Variants in PARD3B observed in about 807,000 individuals in gnomAD.
PARD3B encodes par-3 family cell polarity regulator beta.
PARD3B carries 103 observed loss-of-function variants against 130.2 expected under a neutral mutation model. That is an observed-to-expected ratio of 0.79 (90% CI 0.67 to 0.93). The LOEUF is 0.93. Among genes scored for constraint, PARD3B ranks in the 40% least tolerant of loss-of-function variants. The probability of loss-of-function intolerance (pLI) is 0.00; values close to 1 mark genes in which losing one functional copy is unlikely to be tolerated. For missense variants in PARD3B, 1,609 were observed against 1,499.2 expected, an observed-to-expected ratio of 1.07 and a Z score of -1.21; for synonymous variants, 583 against 553.2, an observed-to-expected ratio of 1.05 and a Z score of -0.76.
At chr2:205,009,020 A>T (rs1336624911) in intron 3 of PARD3B, among the ~76,000 whole-genome samples, 2 of 152,224 alleles carry the variant, frequency 1.3e-5, no homozygotes, top group Non-Finnish European at 2.9e-5. Flanking sequence ...TAAGTGAAAT[A>T]AAAGATAGTG....
At chr2:204,646,936 A>G (rs1314113543) in intron 1 of PARD3B, among the ~76,000 whole-genome samples, 1 of 152,102 alleles carries the variant, frequency 6.6e-6, no homozygotes. Context: ...GGACGAAATT[A>G]TCTATTACAA....
At chr2:205,086,650 G>C (rs888377093) in intron 4 of PARD3B, among the ~76,000 whole-genome samples, 2 of 152,254 alleles carry the variant, frequency 1.3e-5, no homozygotes, top group Admixed American at 1.3e-4. Flanking sequence ...TGGAGGAAAT[G>C]GGGGGAAACC....
Position 205,281,523 on chromosome 2 carries a change from C to T in PARD3B, c.2186-19007C>T, listed in dbSNP as rs1207428858. Among the ~76,000 whole-genome samples the T allele has an allele frequency of 6.6e-6, 1 of 152,218 alleles. No individual in the cohort carries two copies. The highest frequency in any genetic ancestry group is 6.5e-5 in the Admixed American group (1 of 15,286). On this transcript the variant is annotated intron_variant, in intron 16 of 22. Coordinates refer to ENST00000406610, the MANE Select transcript of PARD3B (RefSeq NM_001302769.2). The surrounding 1 kb of genome is among the most constrained non-coding windows in gnomAD (Gnocchi z 4.2). ...TATTTCTGTCCCAAAGTCCCAGGCA[C>T]ACCCTTAATCTCTGCAATTGTAACA...
intron 3 of PARD3B, among the ~76,000 whole-genome samples, chr2:205,039,351 T>C (rs527730012): frequency 3.2e-4 from 48 of 152,340 alleles, no homozygotes; most frequent in East Asian, 2.3e-3. Context: ...TTACCAGATA[T>C]GTCCTTGTGA....
chr2:204,770,303 T>C (rs2041307827), intron 2 of PARD3B, among the ~76,000 whole-genome samples: 2 of 123,774 alleles, frequency 1.6e-5, no homozygotes, highest in Non-Finnish European at 3.3e-5. Context: ...TTCCATGTAG[T>C]TGAGCGGCTT....
At chr2:205,611,240 C>T (rs910017741) in intron 22 of PARD3B, among the ~76,000 whole-genome samples, 3 of 152,176 alleles carry the variant, frequency 2.0e-5, no homozygotes. Flanking sequence ...TAAGTACAGC[C>T]ACCTCATTCC....
intron 12 of PARD3B, among the ~76,000 whole-genome samples, chr2:205,173,084 G>C (rs1301243156): frequency 1.3e-5 from 2 of 152,028 alleles, no homozygotes; most frequent in African/African-American, 4.8e-5. Context: ...AAGCTAAGAA[G>C]AAAAAGTTAA....
chr2:205,085,816 T>C (rs945584788), intron 4 of PARD3B, among the ~76,000 whole-genome samples: 2 of 152,172 alleles, frequency 1.3e-5, no homozygotes, highest in African/African-American at 4.8e-5. Context: ...TTGTATTCAT[T>C]TGAGGAATGA....
intron 22 of PARD3B, among the ~76,000 whole-genome samples, chr2:205,574,552 G>T (rs570699356): frequency 5.3e-5 from 8 of 152,164 alleles, no homozygotes; most frequent in African/African-American, 1.4e-4. Context: ...TACCAACAGC[G>T]CTTGTTTGTG....
chr2:204,789,428 T>C (rs1436813061), intron 2 of PARD3B, among the ~76,000 whole-genome samples: 2 of 152,172 alleles, frequency 1.3e-5, no homozygotes, highest in African/African-American at 2.4e-5. Flanking sequence ...GCTTTTAAGA[T>C]ACTGTAACAA....
chr2:204,884,923 G>T lies in PARD3B; in HGVS notation c.223-80229G>T, dbSNP rs184181114. Among the ~76,000 whole-genome samples, 459 of 152,196 alleles carry T rather than the reference G, an allele frequency of 3.0e-3. 9 individuals are homozygous for T. Among genetic ancestry groups the T allele is most frequent in the Non-Finnish European group, 9.0e-4 (61 of 68,024 alleles). On this transcript the variant is annotated intron_variant, in intron 2 of 22. Transcript: ENST00000406610. ...TTCCATGTCTTTGCTATTTTGAATG[G>T]TGCTGCAATAAGCATACAAATGCAT...
intron 18 of PARD3B, among the ~76,000 whole-genome samples, chr2:205,340,052 AT>A (rs147512835): frequency 6.6e-6 from 1 of 152,260 alleles, no homozygotes; most frequent in Non-Finnish European, 1.5e-5. Flanking sequence ...ATTGCTGAAT[AT>A]TTTTAAGTAG....
At chr2:205,117,938 T>TACACACACAC (rs1366473096) in intron 6 of PARD3B, among the ~76,000 whole-genome samples, 2 of 107,694 alleles carry the variant, frequency 1.9e-5, no homozygotes, top group Non-Finnish European at 4.1e-5. Context: ...CACACACACA[T>TACACACACAC]ACACACACAC....
intron 11 of PARD3B, among the ~76,000 whole-genome samples, chr2:205,170,556 C>A (rs964415056): frequency 6.6e-6 from 1 of 152,078 alleles, no homozygotes; most frequent in Non-Finnish European, 1.5e-5. Context: ...TGGCTAACAC[C>A]CTCTCCAGCA....
intron 2 of PARD3B, among the ~76,000 whole-genome samples, chr2:204,794,343 T>C (rs1287694922): frequency 2.0e-5 from 3 of 152,232 alleles, no homozygotes; most frequent in Non-Finnish European, 2.9e-5. Context: ...AATACATTAA[T>C]GAAAGTAACG....
chr2:205,350,675 C>T (rs898834963), intron 18 of PARD3B, among the ~76,000 whole-genome samples: 1 of 152,138 alleles, frequency 6.6e-6, no homozygotes, highest in Non-Finnish European at 1.5e-5. Flanking sequence ...GGCAAAGTCA[C>T]AGGTGGCCTT....
intron 18 of PARD3B, among the ~76,000 whole-genome samples, chr2:205,314,876 A>G (rs945641780): frequency 2.6e-5 from 4 of 152,162 alleles, no homozygotes; most frequent in Non-Finnish European, 5.9e-5. Flanking sequence ...AGGCACTGCC[A>G]GGAATCCCGT....
intron 6 of PARD3B, among the ~76,000 whole-genome samples, chr2:205,114,250 G>A (rs1226804992): frequency 6.6e-6 from 1 of 152,026 alleles, no homozygotes; most frequent in East Asian, 1.9e-4. Flanking sequence ...TTGTTCTCTT[G>A]ATGGAAATTA....
intron 18 of PARD3B, among the ~76,000 whole-genome samples, chr2:205,318,595 G>C (rs1281808887): frequency 6.6e-6 from 1 of 152,094 alleles, no homozygotes; most frequent in Admixed American, 6.5e-5. Context: ...TTGTGATGGG[G>C]AGAGGGAGAA....
Sources: allele counts gnomAD v4.1 joint callset (sites outside exome capture counted in the v4.1 genomes callset), GRCh38; gene constraint gnomAD v4.1.1; non-coding constraint Gnocchi (gnomAD v3.1); transcripts MANE v1.5; gene names NCBI Gene and HGNC (gene_info 2026-07-23, HGNC 2026-07-21).